The following CD59 variants were observed in gnomAD, a reference collection of about 807,000 sequenced individuals.
The protein encoded by CD59 is CD59 glycoprotein.
Under a neutral mutation model 7.0 loss-of-function variants are expected in CD59, and 3 were observed. The observed-to-expected ratio is 0.43, with a 90% CI of 0.19 to 1.10. CD59 has a LOEUF of 1.10. CD59 is among the 50% of genes least tolerant of loss of function. The probability of loss-of-function intolerance (pLI) is 0.29; values close to 1 mark genes in which losing one functional copy is unlikely to be tolerated. For missense variants in CD59, 143 were observed against 151.0 expected, an observed-to-expected ratio of 0.95 and a Z score of 0.28; for synonymous variants, 60 against 62.0, an observed-to-expected ratio of 0.97 and a Z score of 0.15.
intron 1 of CD59, among the ~76,000 whole-genome samples, chr11:33,735,593 C>T (rs1252586597): frequency 6.6e-6 from 1 of 152,066 alleles, no homozygotes; most frequent in Non-Finnish European, 1.5e-5. Flanking sequence ...CCGAGCCGAC[C>T]CAAGAAAACA....
At position 33,725,812 on chromosome 11, in the gene CD59, G is replaced by A. The variant is rs573374460; in HGVS notation, c.-18-3349C>T. On this transcript the variant is annotated intron_variant, in intron 1 of 3. Transcript: ENST00000642928. The stretch of plus-strand genomic sequence containing the variant: ...CGCATAGCCAGGAAAAGTAATGGGC[G>A]TGGAAGGCTACTCACAATGAATTAA... Among the ~76,000 whole-genome samples the A allele has an allele frequency of 5.3e-5, 8 of 152,184 alleles. No individual in the cohort carries two copies. The South Asian group carries it at 8.3e-4, about 16-fold the overall frequency.
rs1183468649 is a variant in CD59, at chr11:33,710,151, G to T, written c.362C>A (p.Ala121Glu). ...TTAGGGATGAAGGCTCCAGGCTGCT[G>T]CCAGAAATGGAGTCACCAGCAGAAG... ...TVLLLVTPFL[A>E]AAWSLHP Residue 121 changes from alanine (A) to glutamate (E), a missense_variant, in exon 4 of 4, where the codon GCA (alanine) becomes GAA (glutamate). Transcript: ENST00000642928. The T allele has an allele frequency of 1.9e-6, 3 of 1,613,582 alleles. No homozygotes were observed. Among genetic ancestry groups the T allele is most frequent in the Admixed American group, 1.7e-5 (1 of 59,922 alleles).
chr11:33,732,160 C>G (rs1449877893), intron 1 of CD59, among the ~76,000 whole-genome samples: 1 of 151,380 alleles, frequency 6.6e-6, no homozygotes, highest in East Asian at 1.9e-4. Flanking sequence ...TATTTCTTTA[C>G]AAATTACCCA....
At chr11:33,726,796 AAG>A (rs1179319526) in intron 1 of CD59, among the ~76,000 whole-genome samples, 1 of 152,166 alleles carries the variant, frequency 6.6e-6, no homozygotes, top group African/African-American at 2.4e-5. Context: ...TAAAGAAGGA[AAG>A]AGAGAAGAAT....
chr11:33,723,950 T>TA (rs908951990), intron 1 of CD59, among the ~76,000 whole-genome samples: 2 of 151,144 alleles, frequency 1.3e-5, no homozygotes, highest in East Asian at 1.9e-4. Context: ...ATAAAAACAT[T>TA]AAAAAAAAAT....
chr11:33,720,441 G>A (rs1854003649), intron 2 of CD59, among the ~76,000 whole-genome samples: 1 of 152,244 alleles, frequency 6.6e-6, no homozygotes, highest in South Asian at 2.1e-4. Flanking sequence ...GCTCACGCCT[G>A]TAATCCCAAC....
chr11:33,711,529 A>G (rs1853558225), intron 3 of CD59: 3 of 635,078 alleles, frequency 4.7e-6, no homozygotes, highest in Non-Finnish European at 8.3e-6. Flanking sequence ...AAATAAAAAA[A>G]TTAGCCAGGC....
chr11:33,719,264 A>G (rs1186912427), intron 2 of CD59: 2 of 152,236 alleles, frequency 1.3e-5, no homozygotes, highest in Non-Finnish European at 2.9e-5. Flanking sequence ...ATCCTACCCA[A>G]TAGAGGATCC....
chr11:33,706,395 T>C lies in CD59; in HGVS notation c.*3731A>G. 6.6e-6 allele frequency: 1 copy of C among 152,168 alleles called. No homozygotes were observed. Among genetic ancestry groups the C allele is most frequent in the East Asian group, 1.9e-4 (1 of 5,200 alleles). The allele number at this position is 152,168 out of a possible 1,614,324, so 9.4% of individuals were successfully genotyped here. On this transcript the variant is annotated 3_prime_UTR_variant, in exon 4 of 4. Transcript: ENST00000642928. ...CAAGTCAGTGGGGGTAAATGCATTG[T>C]GATTCACTGTAGGTTTTAGACTCTT...
At chr11:33,723,361 C>T (rs975558002) in intron 1 of CD59, among the ~76,000 whole-genome samples, 4 of 152,200 alleles carry the variant, frequency 2.6e-5, no homozygotes, top group Non-Finnish European at 5.9e-5. Flanking sequence ...AACTGACAAT[C>T]CTGACAATCA....
At position 33,714,445 on chromosome 11, in the gene CD59, T is replaced by C. The variant is rs559984784; in HGVS notation, c.169+2925A>G. Among the ~76,000 whole-genome samples, 11 of 152,294 alleles carry C rather than the reference T, an allele frequency of 7.2e-5. No homozygotes were observed. The South Asian group carries it at 8.3e-4, about 11-fold the overall frequency. On this transcript the variant is annotated intron_variant, in intron 3 of 3. Transcript: ENST00000642928. ...CTTACTGTGAATGGAGCTTGTGAGA[T>C]TGGAAGTCAGTGAATGAGTGGTGGG...
chr11:33,727,526 A>G (rs943456089), intron 1 of CD59, among the ~76,000 whole-genome samples: 16 of 152,230 alleles, frequency 1.1e-4, no homozygotes, highest in Admixed American at 6.5e-4. Context: ...TGTATCTCAA[A>G]ATAATAAGAG....
At chr11:33,731,189 G>A (rs1015472287) in intron 1 of CD59, among the ~76,000 whole-genome samples, 3 of 151,988 alleles carry the variant, frequency 2.0e-5, no homozygotes, top group Non-Finnish European at 4.4e-5. Flanking sequence ...CAACCGTGTA[G>A]GTGGTCAGTG....
rs1383814765 is a variant in CD59 at position 33,707,274 on chromosome 11, G to A, written c.*2852C>T. 1 of 152,218 alleles carries A rather than the reference G, an allele frequency of 6.6e-6. No individual in the cohort carries two copies. The highest frequency in any genetic ancestry group is 1.5e-5 in the Non-Finnish European group (1 of 68,042). The allele number at this position is 152,218 out of a possible 1,614,324, so 9.4% of individuals were successfully genotyped here. On this transcript the variant is annotated 3_prime_UTR_variant, in exon 4 of 4. Coordinates refer to ENST00000642928, the MANE Select transcript of CD59 (RefSeq NM_000611.6). ...CTAAAGAACTTACCAAGAGAACTCA[G>A]ATGTATAAAAGTGGTTAATTCTGTC...
chr11:33,711,127 AAAAAAT>A (rs760155032), intron 3 of CD59, among the ~76,000 whole-genome samples: 15 of 152,112 alleles, frequency 9.9e-5, no homozygotes, highest in South Asian at 2.1e-4. Context: ...GGACATTATC[AAAAAAT>A]AAAAAGATAA....
At chr11:33,720,914 C>T (rs908479352) in intron 2 of CD59, among the ~76,000 whole-genome samples, 3 of 152,196 alleles carry the variant, frequency 2.0e-5, no homozygotes, top group Non-Finnish European at 4.4e-5. Flanking sequence ...CATCTGTGGG[C>T]ATGTGAGCTT....
intron 1 of CD59, among the ~76,000 whole-genome samples, chr11:33,733,832 A>G (rs2133577633): frequency 6.6e-6 from 1 of 152,346 alleles, no homozygotes; most frequent in African/African-American, 2.4e-5. Context: ...GTGTTTCCAC[A>G]AGATTCACAG....
In CD59 at chr11:33,709,118, C is replaced by A. The variant is rs1853433749; in HGVS notation, c.*1008G>T. ...CAAACATCTGTGAGTGTGCTAAGAG[C>A]CGTTACAAAGGTATTTTATACAATC... On this transcript the variant is annotated 3_prime_UTR_variant, in exon 4 of 4. Coordinates refer to ENST00000642928, the MANE Select transcript of CD59 (RefSeq NM_000611.6). The A allele has an allele frequency of 6.6e-6, 1 of 152,176 alleles. No homozygotes were observed. Among genetic ancestry groups the A allele is most frequent in the Admixed American group, 6.5e-5 (1 of 15,278 alleles). The allele number at this position is 152,176 out of a possible 1,614,324, so 9.4% of individuals were successfully genotyped here.
At chr11:33,716,553 G>A (rs189797816) in intron 3 of CD59, among the ~76,000 whole-genome samples, 159 of 152,228 alleles carry the variant, frequency 1.0e-3, no homozygotes, top group African/African-American at 3.7e-3. Context: ...TGCACACATC[G>A]ATTCTATCCA....
Sources: allele counts gnomAD v4.1 joint callset (sites outside exome capture counted in the v4.1 genomes callset), GRCh38; gene constraint gnomAD v4.1.1; transcripts MANE v1.5; gene names NCBI Gene and HGNC (gene_info 2026-07-23, HGNC 2026-07-21).